The following ITGB3BP variants were observed in gnomAD, a reference collection of about 807,000 sequenced individuals.
ITGB3BP encodes integrin subunit beta 3 binding protein, also known as centromere protein R.
ITGB3BP carries 27 observed loss-of-function variants against 29.1 expected under a neutral mutation model. The observed-to-expected ratio is 0.93, with a 90% confidence interval of 0.68 to 1.28. ITGB3BP has a LOEUF of 1.28. ITGB3BP is among the 50% of genes most tolerant of loss of function. The pLI, the probability that ITGB3BP is intolerant of heterozygous loss-of-function variation, is 0.00. For synonymous variants in ITGB3BP, 61 were observed against 61.4 expected, an observed-to-expected ratio of 0.99 and a Z score of 0.03; for missense variants, 192 against 200.2, an observed-to-expected ratio of 0.96 and a Z score of 0.25.
chr1:63,521,114 G>A (rs6666960), intron 1 of ITGB3BP, among the ~76,000 whole-genome samples: 144,824 of 152,184 alleles, frequency 0.95, 69,321 homozygotes, highest in East Asian at 1. Flanking sequence ...ACACCCTCCC[G>A]TAAGTTATAT....
At chr1:63,525,793 T>G (rs368617506), upstream of ITGB3BP, 3 of 1,428,952 alleles carry the variant, frequency 2.1e-6, no homozygotes, top group African/African-American at 4.5e-5. Context: ...CTTTCACCTT[T>G]TTGTTGAAAG....
chr1:63,470,648 A>G (rs1446518742), intron 4 of ITGB3BP, among the ~76,000 whole-genome samples: 1 of 152,210 alleles, frequency 6.6e-6, no homozygotes, highest in Non-Finnish European at 1.5e-5. Context: ...TTGTTTATCC[A>G]TTTGACTGTT....
chr1:63,458,607 G>A (rs1032090168), intron 4 of ITGB3BP, among the ~76,000 whole-genome samples: 4 of 152,120 alleles, frequency 2.6e-5, no homozygotes, highest in Non-Finnish European at 2.9e-5. Flanking sequence ...GAAGAAGAGT[G>A]AAACCCTGTA....
chr1:63,523,442 G>C (rs2100849618), upstream of ITGB3BP: 1 of 464,788 alleles, frequency 2.2e-6, no homozygotes, highest in East Asian at 4.0e-5. Flanking sequence ...GTCTCTGTGC[G>C]CTCCGGATCA....
At chr1:63,449,189 CA>C (rs1296032818) in intron 7 of ITGB3BP, 11 of 152,658 alleles carry the variant, frequency 7.2e-5, no homozygotes, top group African/African-American at 2.6e-4. Context: ...TCACCACACA[CA>C]AATAATCAAT....
chr1:63,502,856 T>C (rs1051292479), intron 2 of ITGB3BP, among the ~76,000 whole-genome samples: 7 of 152,208 alleles, frequency 4.6e-5, no homozygotes, highest in Admixed American at 2.6e-4. Flanking sequence ...TCATTTTTTA[T>C]GGCTGCATAG....
In ITGB3BP at chr1:63,464,771, T is replaced by G. The variant is rs547689797; in HGVS notation, c.255-9803A>C. Among the ~76,000 whole-genome samples, 8 of 152,292 alleles carry G rather than the reference T, an allele frequency of 5.3e-5. No individual in the cohort carries two copies. The South Asian group carries it at 1.4e-3, about 28-fold the overall frequency. ...AATTCATCAATAATAGGACAAAATATCTCTTGATGTAATTCAACATTCTTC... is the reference window on the plus strand; with the variant it reads ...AATTCATCAATAATAGGACAAAATAGCTCTTGATGTAATTCAACATTCTTC... On this transcript the variant is annotated intron_variant, in intron 4 of 8. Coordinates refer to ENST00000271002, the MANE Select transcript of ITGB3BP (RefSeq NM_014288.5).
chr1:63,479,348 A>G (rs1437494041), intron 3 of ITGB3BP, among the ~76,000 whole-genome samples: 3 of 152,162 alleles, frequency 2.0e-5, no homozygotes, highest in Non-Finnish European at 2.9e-5. Context: ...AACTGACACA[A>G]TATTTACAGT....
chr1:63,510,163 C>A, intron 1 of ITGB3BP: 3 of 539,802 alleles, frequency 5.6e-6, no homozygotes, highest in South Asian at 2.4e-5. Context: ...GCACTCTAGC[C>A]TGGGCAACGG....
chr1:63,520,178 T>C (rs1053562095), intron 1 of ITGB3BP, among the ~76,000 whole-genome samples: 5 of 152,060 alleles, frequency 3.3e-5, no homozygotes, highest in African/African-American at 9.7e-5. Context: ...TGTATCTGTC[T>C]ACATAGAATG....
intron 2 of ITGB3BP, among the ~76,000 whole-genome samples, chr1:63,508,271 A>C (rs958806733): frequency 2.0e-5 from 3 of 152,114 alleles, no homozygotes; most frequent in Non-Finnish European, 4.4e-5. Context: ...ATTTCTACTA[A>C]ATTATTTCAT....
chr1:63,447,365 A>C (rs1644802482), intron 7 of ITGB3BP, among the ~76,000 whole-genome samples: 1 of 152,218 alleles, frequency 6.6e-6, no homozygotes, highest in Non-Finnish European at 1.5e-5. Context: ...CTGCATGTGG[A>C]ACTTCTTTCC....
At chr1:63,492,189 C>CTGTGTGTGTGTGTG (rs10610086) in intron 2 of ITGB3BP, among the ~76,000 whole-genome samples, 25 of 148,964 alleles carry the variant, frequency 1.7e-4, no homozygotes, top group African/African-American at 5.9e-4. Flanking sequence ...TGCATGTGCT[C>CTGTGTGTGTGTGTG]TGTGTGTGTG....
chr1:63,452,246 C>T (rs17125016), intron 7 of ITGB3BP, among the ~76,000 whole-genome samples: 3,229 of 152,054 alleles, frequency 0.021, 116 homozygotes, highest in African/African-American at 0.073. Flanking sequence ...TTATTTATTC[C>T]AGAGTTTTCC....
At chr1:63,520,020 T>C (rs1161277040) in intron 1 of ITGB3BP, among the ~76,000 whole-genome samples, 3 of 152,114 alleles carry the variant, frequency 2.0e-5, no homozygotes, top group Admixed American at 2.0e-4. Flanking sequence ...GAGAGTATCT[T>C]TGGCTGAATT....
chr1:63,515,399 T>C (rs1282679124), intron 1 of ITGB3BP, among the ~76,000 whole-genome samples: 1 of 152,196 alleles, frequency 6.6e-6, no homozygotes, highest in Non-Finnish European at 1.5e-5. Context: ...CCATGTCTAG[T>C]TAGTGTACAT....
chr1:63,462,409 TC>T (rs1280961199), intron 4 of ITGB3BP, among the ~76,000 whole-genome samples: 8 of 152,242 alleles, frequency 5.3e-5, no homozygotes, highest in Non-Finnish European at 1.5e-5. Flanking sequence ...CATCTTGTCT[TC>T]AAATAAAGAT....
chr1:63,523,269 G>A (rs1016750265), upstream of ITGB3BP: 8 of 1,177,992 alleles, frequency 6.8e-6, no homozygotes, highest in African/African-American at 1.2e-4. Flanking sequence ...CCGCGGCCGG[G>A]CGGAAACATC....
intron 8 of ITGB3BP, chr1:63,446,567 T>G: frequency 4.2e-6 from 2 of 479,314 alleles, no homozygotes; most frequent in Non-Finnish European, 7.6e-6. Context: ...CTCTGACTTT[T>G]AAAGTTAGCG....
Sources: allele counts gnomAD v4.1 joint callset (sites outside exome capture counted in the v4.1 genomes callset), GRCh38; gene constraint gnomAD v4.1.1; transcripts MANE v1.5; gene names NCBI Gene and HGNC (gene_info 2026-07-23, HGNC 2026-07-21).